DOCK9: variants seen among roughly 807,000 people sequenced by gnomAD.
DOCK9 encodes the protein dedicator of cytokinesis 9, also known as dedicator of cytokinesis protein 9.
Under a neutral mutation model 263.3 loss-of-function variants are expected in DOCK9, and 89 were observed. The ratio of observed to expected loss-of-function variants is 0.34; its 90% CI spans 0.28 to 0.40. The LOEUF (loss-of-function observed/expected upper bound fraction) is 0.40, where lower values mean the gene tolerates loss of function less well. Among genes scored for constraint, DOCK9 ranks in the 10% least tolerant of loss-of-function variants. The probability of loss-of-function intolerance (pLI) is 1.00; values close to 1 mark genes in which losing one functional copy is unlikely to be tolerated. For synonymous variants in DOCK9, 976 were observed against 973.1 expected (o/e 1.00, Z -0.06); for missense variants, 2,140 against 2,603.4 (o/e 0.82, Z 3.87).
intron 38 of DOCK9, among the ~76,000 whole-genome samples, chr13:98,845,567 A>G (rs921809576): frequency 6.6e-6 from 1 of 152,224 alleles, no homozygotes; most frequent in Non-Finnish European, 1.5e-5. Flanking sequence ...GAATGTTCTC[A>G]GAGTTGCAGG....
chr13:99,013,850 G>A (rs766421263), intron 1 of DOCK9, among the ~76,000 whole-genome samples: 3 of 152,182 alleles, frequency 2.0e-5, no homozygotes, highest in Non-Finnish European at 4.4e-5. Context: ...GGTCTGACTC[G>A]TTTTCAGAGG....
rs193139556 is a variant in DOCK9, at chr13:98,952,439, A to G, written c.243+2996T>C. 2.5e-3 allele frequency among the ~76,000 whole-genome samples: 373 copies of G among 149,884 alleles called. 2 individuals are homozygous for G. The highest frequency in any genetic ancestry group is 8.6e-3 in the African/African-American group (349 of 40,556). Reference sequence around the variant, plus strand: ...TCTGGTAGAGATGGGGTTTCACCATATTGGCCAGGCTGGTCTCAAACTCCT... The same window carrying G: ...TCTGGTAGAGATGGGGTTTCACCATGTTGGCCAGGCTGGTCTCAAACTCCT... On this transcript the variant is annotated intron_variant, in intron 2 of 52. Coordinates refer to ENST00000682017, the MANE Select transcript of DOCK9 (RefSeq NM_001366683.2).
At chr13:98,965,236 C>T (rs888008705) in intron 1 of DOCK9, among the ~76,000 whole-genome samples, 1 of 152,122 alleles carries the variant, frequency 6.6e-6, no homozygotes, top group African/African-American at 2.4e-5. Context: ...AAGAAGCCCT[C>T]CATCAGCTTG....
rs1199365078 is a variant in DOCK9, at chr13:98,850,851, C to A, written c.3947-738G>T. ...GTTTAGTATTACCATCGTTTGAGTT[C>A]TATCATCTAATAGCTAACCTTTTTT... On this transcript the variant is annotated intron_variant, in intron 35 of 52. Transcript: ENST00000682017. Among the ~76,000 whole-genome samples, 6 of 152,150 alleles carry A rather than the reference C, an allele frequency of 3.9e-5. No individual in the cohort carries two copies. In the South Asian group the frequency reaches 1.2e-3, roughly 32 times the overall value.
intron 45 of DOCK9, among the ~76,000 whole-genome samples, chr13:98,815,088 A>T (rs2091724975): frequency 6.6e-6 from 1 of 152,158 alleles, no homozygotes; most frequent in Non-Finnish European, 1.5e-5. Flanking sequence ...GAGTGAATCA[A>T]TGTGTACTTT....
chr13:98,817,219 T>G (rs771672944), intron 45 of DOCK9, among the ~76,000 whole-genome samples: 2 of 152,262 alleles, frequency 1.3e-5, no homozygotes, highest in Non-Finnish European at 2.9e-5. Flanking sequence ...TTTTAACTGA[T>G]AGACTAAGAT....
rs533352554 is a variant in DOCK9, at chr13:98,882,481, T to C, written c.2560-474A>G. 2.0e-3 allele frequency among the ~76,000 whole-genome samples: 302 copies of C among 152,352 alleles called. 2 individuals are homozygous for C. Among genetic ancestry groups the C allele is most frequent in the African/African-American group, 7.2e-3 (298 of 41,582 alleles). On this transcript the variant is annotated intron_variant, in intron 23 of 52. Coordinates refer to ENST00000682017, the MANE Select transcript of DOCK9 (RefSeq NM_001366683.2). ...ATTCCATTTCTCACATTTCTTGTTT[T>C]GTCCCCATGCCCTTTTAGCTATTTC...
At position 98,831,459 on chromosome 13, in the gene DOCK9, A is replaced by T; in HGVS notation, c.4524T>A (p.Cys1508Ter). Residue 1508 changes from cysteine to a stop codon, truncating the protein, a stop_gained, in exon 41 of 53, where the codon TGT becomes TGA. Transcript: ENST00000682017. LOFTEE classifies it high-confidence loss of function. ...TCCTGATGGAGCTCAGCTTGGAGTT[A>T]CAGCACTTGAGAATCTCGTAACACA... ...AALCYEILKC[C>*]NSKLSSIRTE... 1 of 1,596,610 alleles carries T rather than the reference A, an allele frequency of 6.3e-7. No homozygotes were observed. Among genetic ancestry groups the T allele is most frequent in the South Asian group, 1.1e-5 (1 of 87,744 alleles).
In DOCK9 at chr13:98,899,269, C is replaced by A. The variant is rs989783588; in HGVS notation, c.1504-1008G>T. Among the ~76,000 whole-genome samples the A allele has an allele frequency of 1.1e-4, 16 of 152,080 alleles. 1 individual carries two copies. Among genetic ancestry groups the A allele is most frequent in the South Asian group, 2.1e-4 (1 of 4,824 alleles). Reference sequence around the variant, plus strand: ...GTGTACCATCAGCCACAGGAAGGATCTAGAAGGATCCAGAAGGATCTAGAT... The same window carrying A: ...GTGTACCATCAGCCACAGGAAGGATATAGAAGGATCCAGAAGGATCTAGAT... On this transcript the variant is annotated intron_variant, in intron 13 of 52. Coordinates refer to ENST00000682017, the MANE Select transcript of DOCK9 (RefSeq NM_001366683.2).
At position 98,829,813 on chromosome 13, in the gene DOCK9, G is replaced by A; in HGVS notation, c.4636-57C>T. 2 of 1,466,072 alleles carry A rather than the reference G, an allele frequency of 1.4e-6. No individual in the cohort carries two copies. The highest frequency in any genetic ancestry group is 9.4e-7 in the Non-Finnish European group (1 of 1,069,348). 90.8% of individuals were successfully genotyped at this position (1,466,072 alleles called of 1,614,324 possible). On this transcript the variant is annotated intron_variant, in intron 41 of 52. Coordinates refer to ENST00000682017, the MANE Select transcript of DOCK9 (RefSeq NM_001366683.2). This position sits in a 1 kb window ranked among gnomAD's most constrained non-coding sequence, Gnocchi z 4.1. ...TTACCTTCAAATGACTGCCCAGGCT[G>A]GGCTTCTGCGTTCAGTTAGGATGTG...
chr13:99,046,980 G>A (rs956303739), intron 1 of DOCK9, among the ~76,000 whole-genome samples: 9 of 152,216 alleles, frequency 5.9e-5, no homozygotes, highest in South Asian at 2.1e-4. Flanking sequence ...AAAGTTGGAC[G>A]AGTCCAGGTT....
At chr13:98,862,055 C>G (rs888641966) in intron 32 of DOCK9, among the ~76,000 whole-genome samples, 2 of 152,190 alleles carry the variant, frequency 1.3e-5, no homozygotes, top group African/African-American at 4.8e-5. Flanking sequence ...TCCTTCCCCC[C>G]ATAAATTTTT....
At chr13:98,870,676 A>G (rs1162243932) in intron 27 of DOCK9, among the ~76,000 whole-genome samples, 2 of 152,192 alleles carry the variant, frequency 1.3e-5, no homozygotes, top group African/African-American at 2.4e-5. Flanking sequence ...AGCTGGGTAT[A>G]TATGCCTCCT....
At chr13:99,056,835 C>T (rs1279592148) in intron 1 of DOCK9, among the ~76,000 whole-genome samples, 4 of 152,226 alleles carry the variant, frequency 2.6e-5, no homozygotes, top group Non-Finnish European at 5.9e-5. Context: ...GGAGCAGCTC[C>T]TCGCCCTGAG....
chr13:99,006,522 T>A (rs1883364219), intron 1 of DOCK9, among the ~76,000 whole-genome samples: 1 of 152,286 alleles, frequency 6.6e-6, no homozygotes, highest in African/African-American at 2.4e-5. Context: ...AAATCATGTT[T>A]TAGCAGAACT....
chr13:99,018,251 T>G (rs750775532), intron 1 of DOCK9, among the ~76,000 whole-genome samples: 65 of 152,166 alleles, frequency 4.3e-4, no homozygotes, highest in Non-Finnish European at 7.1e-4. Context: ...CCTCACTGAT[T>G]AATGGTGTTC....
At chr13:99,045,063 G>A (rs2142156920) in intron 1 of DOCK9, among the ~76,000 whole-genome samples, 1 of 152,328 alleles carries the variant, frequency 6.6e-6, no homozygotes, top group South Asian at 2.1e-4. Context: ...TTGTGGGACT[G>A]TAAATTAGTG....
At chr13:98,827,587 A>G (rs777334983) in intron 43 of DOCK9, among the ~76,000 whole-genome samples, 1 of 152,206 alleles carries the variant, frequency 6.6e-6, no homozygotes, top group Non-Finnish European at 1.5e-5. Flanking sequence ...TAGCCAACAC[A>G]CACCAGCAGA....
chr13:98,931,360 G>C (rs1034981343), intron 2 of DOCK9, among the ~76,000 whole-genome samples: 3 of 150,158 alleles, frequency 2.0e-5, no homozygotes, highest in Admixed American at 6.6e-5. Flanking sequence ...GTGCAGTGGC[G>C]CAATCTCAGC....
Sources: gnomAD v4.1 joint callset for allele counts (sites outside exome capture counted in the v4.1 genomes callset) on GRCh38, gnomAD v4.1.1 for gene constraint, Gnocchi (gnomAD v3.1) non-coding constraint, MANE v1.5 for transcripts, NCBI Gene and HGNC (gene_info 2026-07-23, HGNC 2026-07-21) for gene names.